Variants in CENPE observed in about 807,000 individuals in gnomAD.
CENPE encodes centromere protein E.
CENPE carries 145 observed loss-of-function variants against 336.1 expected under a neutral mutation model. The ratio of observed to expected loss-of-function variants is 0.43; its 90% CI spans 0.38 to 0.50. CENPE has a LOEUF of 0.50. Among genes scored for constraint, CENPE ranks in the 20% least tolerant of loss-of-function variants. The probability of loss-of-function intolerance (pLI) is 0.00; values close to 1 mark genes in which losing one functional copy is unlikely to be tolerated. For missense variants in CENPE, 2,719 were observed against 3,023.3 expected, an observed-to-expected ratio of 0.90 and a Z score of 2.36; for synonymous variants, 1,013 against 984.8, an observed-to-expected ratio of 1.03 and a Z score of -0.54.
chr4:103,166,649 C>T (rs981414318), intron 16 of CENPE, among the ~76,000 whole-genome samples: 2 of 152,018 alleles, frequency 1.3e-5, no homozygotes, highest in African/African-American at 2.4e-5. Flanking sequence ...ACAATGATAT[C>T]GAGGAAAAAG....
intron 46 of CENPE, among the ~76,000 whole-genome samples, chr4:103,113,560 ATAAG>A (rs1041271191): frequency 1.1e-4 from 16 of 141,700 alleles, no homozygotes; most frequent in East Asian, 9.9e-4. Context: ...TATATAATAT[ATAAG>A]TAATATATAT....
At chr4:103,164,902 G>C (rs373808754) in intron 16 of CENPE, among the ~76,000 whole-genome samples, 2 of 152,086 alleles carry the variant, frequency 1.3e-5, no homozygotes, top group East Asian at 3.9e-4. Flanking sequence ...TTACCAATAA[G>C]AAAGAATCAA....
At position 103,177,056 on chromosome 4, in the gene CENPE, A is replaced by G. The variant is rs1199884682; in HGVS notation, c.1243-10T>C. On this transcript the variant is annotated splice_polypyrimidine_tract_variant and intron_variant, in intron 13 of 48. Transcript: ENST00000265148. ...TTCGTTTTCTTTTAGCCTAAAGAAG[A>G]AGAAATCAAAATTATGTCATATAGA... 1.3e-6 allele frequency: 2 copies of G among 1,593,882 alleles called. No individual in the cohort carries two copies. Among genetic ancestry groups the G allele is most frequent in the Non-Finnish European group, 8.5e-7 (1 of 1,172,590 alleles).
At position 103,177,010 on chromosome 4, in the gene CENPE, T is replaced by C; in HGVS notation, c.1279A>G (p.Lys427Glu). ...RKRRVTWCLG[K>E]INKMKNSNYA... is the part of the protein sequence containing the mutation. ...TTTGAGTTCTTCATTTTGTTAATTT[T>C]GCCAAGGCACCAAGTAACTCTTCGT... is the stretch of plus-strand genomic sequence containing the variant. The change falls in exon 14 of 49, where the codon AAA (lysine) becomes GAA (glutamate). Residue 427 changes from lysine (K) to glutamate (E), a missense_variant. By Grantham distance (56) the Lys-to-Glu change is moderately conservative (BLOSUM62 1). This residue lies in a region of CENPE where 2,437 missense variants were observed against 2,513.3 expected (regional missense o/e 0.97). Transcript: ENST00000265148. 6.2e-7 allele frequency: 1 copy of C among 1,609,540 alleles called. No homozygotes were observed. Among genetic ancestry groups the C allele is most frequent in the Non-Finnish European group, 8.5e-7 (1 of 1,178,552 alleles).
intron 47 of CENPE, 36 bp downstream of exon 47, chr4:103,110,792 T>C: frequency 6.7e-7 from 1 of 1,487,130 alleles, no homozygotes; most frequent in Non-Finnish European, 9.1e-7. Context: ...GTAATAGCCG[T>C]AAGCATAATA....
At chr4:103,136,723 G>A (rs992822959) in intron 39 of CENPE, among the ~76,000 whole-genome samples, 1 of 152,194 alleles carries the variant, frequency 6.6e-6, no homozygotes, top group African/African-American at 2.4e-5. Flanking sequence ...TGTAGTTCAT[G>A]GTTGAGTGCT....
chr4:103,160,644 A>T lies in CENPE; in HGVS notation c.2267T>A (p.Val756Glu). Residue 756 changes from valine to glutamate, a missense_variant, in exon 21 of 49, where the codon GTA (valine) becomes GAA (glutamate). Around this residue, in one of 5 missense-constraint regions of CENPE, gnomAD observed 2,437 missense variants for 2,513.3 expected, o/e 0.97. Coordinates refer to ENST00000265148, the MANE Select transcript of CENPE (RefSeq NM_001813.3). ...GTTTACCTCTTTCCTCAGCCTTTCT[A>T]CTTCAGAAGGTAAAGATTTCAATTC... is the stretch of plus-strand genomic sequence containing the variant. ...LSELKSLPSE[V>E]ERLRKEIQDK... is the part of the protein sequence containing the mutation. The T allele has an allele frequency of 6.2e-7, 1 of 1,608,922 alleles. No homozygotes were observed. Among genetic ancestry groups the T allele is most frequent in the East Asian group, 2.2e-5 (1 of 44,620 alleles).
chr4:103,120,404 A>T (rs1011563529), intron 43 of CENPE, 71 bp from the exon 44 acceptor site: 4 of 1,266,834 alleles, frequency 3.2e-6, no homozygotes, highest in Non-Finnish European at 4.4e-6. Flanking sequence ...TTTGAGACAG[A>T]GATGATCATA....
chr4:103,192,895 G>T (rs1046383922), intron 8 of CENPE, among the ~76,000 whole-genome samples: 2 of 151,726 alleles, frequency 1.3e-5, no homozygotes, highest in Admixed American at 1.3e-4. Flanking sequence ...AGTAAGAAAC[G>T]TCACAGAATA....
In CENPE at chr4:103,149,159, T is replaced by C. The variant is rs753614807; in HGVS notation, c.3646A>G (p.Arg1216Gly). Reference protein sequence around the residue: ...KELQKSFETERDHLRGYIREI... With the variant: ...KELQKSFETEGDHLRGYIREI... ...CTTATATATCCTCTAAGGTGGTCTCTCTCTGTTTCAAATGACTTCTGTAAT... is the reference window on the plus strand; with the variant it reads ...CTTATATATCCTCTAAGGTGGTCTCCCTCTGTTTCAAATGACTTCTGTAAT... Residue 1216 changes from arginine (R) to glycine (G), a missense_variant, in exon 27 of 49, where the codon AGA becomes GGA. Arg to Gly is a moderately radical substitution (Grantham distance 125, BLOSUM62 -2). Coordinates refer to ENST00000265148, the MANE Select transcript of CENPE (RefSeq NM_001813.3). 2 of 1,608,148 alleles carry C rather than the reference T, an allele frequency of 1.2e-6. No homozygotes were observed. The highest frequency in any genetic ancestry group is 1.7e-6 in the Non-Finnish European group (2 of 1,179,064).
chr4:103,113,438 TATATTACTTAC>T (rs201432928), intron 46 of CENPE, among the ~76,000 whole-genome samples: 294 of 141,292 alleles, frequency 2.1e-3, no homozygotes, highest in African/African-American at 7.1e-3. Flanking sequence ...ATTACTTATA[TATATTACTTAC>T]ATATTACTTA....
chr4:103,183,767 C>T (rs772126984), intron 9 of CENPE, among the ~76,000 whole-genome samples: 1 of 152,024 alleles, frequency 6.6e-6, no homozygotes, highest in Non-Finnish European at 1.5e-5. Flanking sequence ...AGTTCCTATA[C>T]CTCTACCAGG....
At chr4:103,114,750 T>C (rs192095016) in intron 45 of CENPE, among the ~76,000 whole-genome samples, 198 bp from the exon 46 acceptor site, 25 of 152,340 alleles carry the variant, frequency 1.6e-4, no homozygotes, top group African/African-American at 6.0e-4. Flanking sequence ...AGCATTCTGC[T>C]TGGGTGCAGG....
intron 24 of CENPE, 33 bp downstream of exon 24, chr4:103,158,267 C>A: frequency 6.5e-7 from 1 of 1,527,296 alleles, no homozygotes; most frequent in Admixed American, 1.9e-5. Flanking sequence ...TATATACAAG[C>A]ATATGAAAAC....
intron 8 of CENPE, among the ~76,000 whole-genome samples, chr4:103,190,404 T>C (rs529168544): frequency 6.6e-6 from 1 of 152,270 alleles, no homozygotes; most frequent in East Asian, 1.9e-4. Flanking sequence ...ACTACAAGGC[T>C]ACAGTAACCA....
At chr4:103,169,012 A>C (rs1755162248) in intron 16 of CENPE, among the ~76,000 whole-genome samples, 1 of 152,226 alleles carries the variant, frequency 6.6e-6, no homozygotes, top group African/African-American at 2.4e-5. Context: ...TTATCTGCCA[A>C]AGAATTCAAA....
chr4:103,144,488 A>G lies in CENPE; in HGVS notation c.4988T>C (p.Ile1663Thr), dbSNP rs759932398. ...AGTCAACCTTATATTCTCCGTTTCT[A>G]TGTTTTCCAGGTTTAACTTCTGGGT... ...FETQKLNLEN[I>T]ETENIRLTQI... Residue 1663 changes from isoleucine (I) to threonine (T), a missense_variant, in exon 33 of 49, where the codon ATA (isoleucine) becomes ACA (threonine). By Grantham distance (89) the Ile-to-Thr change is moderately conservative. Coordinates refer to ENST00000265148, the MANE Select transcript of CENPE (RefSeq NM_001813.3). The G allele has an allele frequency of 5.5e-5, 88 of 1,613,934 alleles. 1 individual carries two copies. In the Admixed American group the frequency reaches 1.4e-3, roughly 26 times the overall value.
intron 32 of CENPE, 121 bp downstream of exon 32, chr4:103,144,929 C>G: frequency 1.1e-6 from 1 of 925,980 alleles, no homozygotes; most frequent in Non-Finnish European, 1.5e-6. Context: ...TTTGATTCCT[C>G]TTTTATTTCC....
chr4:103,109,627 T>C (rs1468491912), intron 47 of CENPE, among the ~76,000 whole-genome samples: 4 of 152,314 alleles, frequency 2.6e-5, no homozygotes, highest in South Asian at 2.1e-4. Flanking sequence ...TCCAAGTCTC[T>C]TGATACACTC....
Sources: allele counts gnomAD v4.1 joint callset (sites outside exome capture counted in the v4.1 genomes callset), GRCh38; gene constraint gnomAD v4.1.1; regional missense constraint gnomAD v4.1.1; transcripts MANE v1.5; gene names NCBI Gene and HGNC (gene_info 2026-07-23, HGNC 2026-07-21).